The following ANKMY1 variants were observed in gnomAD, a reference collection of about 807,000 sequenced individuals.
ANKMY1 encodes the protein ankyrin repeat and MYND domain-containing protein 1.
In ANKMY1, 98 loss-of-function variants were observed where a neutral mutation model predicts 102.0. The ratio of observed to expected loss-of-function variants is 0.96; its 90% CI spans 0.82 to 1.14. The LOEUF (loss-of-function observed/expected upper bound fraction) is 1.14, where lower values mean the gene tolerates loss of function less well. Ranked by LOEUF, ANKMY1 falls within the 50% of genes most tolerant of loss-of-function variation. The probability of loss-of-function intolerance (pLI) is 0.00; values close to 1 mark genes in which losing one functional copy is unlikely to be tolerated. For missense variants in ANKMY1, 1,330 were observed against 1,347.6 expected (o/e 0.99, Z 0.20); for synonymous variants, 582 against 559.9 (o/e 1.04, Z -0.56).
At chr2:240,508,842 G>A (rs2079563569) in intron 12 of ANKMY1, among the ~76,000 whole-genome samples, 1 of 152,164 alleles carries the variant, frequency 6.6e-6, no homozygotes, top group Admixed American at 6.5e-5. Context: ...GTCTAGGTAG[G>A]TGGGTGGGTG....
Position 240,526,447 on chromosome 2 carries a change from T to C in ANKMY1, c.954-2A>G. On this transcript the variant is annotated splice_acceptor_variant, in intron 5 of 17. Coordinates refer to ENST00000401804, the MANE Select transcript of ANKMY1 (RefSeq NM_001282771.3). LOFTEE classifies it high-confidence loss of function. ...CAGCTGGTGTGAGCTGGCTTGTTCCTGGCAACACAACAAGTTTCAGTGGTC... is the reference window on the plus strand; with the variant it reads ...CAGCTGGTGTGAGCTGGCTTGTTCCCGGCAACACAACAAGTTTCAGTGGTC... 6.2e-7 allele frequency: 1 copy of C among 1,614,080 alleles called. No individual in the cohort carries two copies.
At chr2:240,513,008 T>C in intron 9 of ANKMY1, 66 bp from the exon 10 acceptor site, 2 of 1,552,576 alleles carry the variant, frequency 1.3e-6, no homozygotes, top group Non-Finnish European at 1.7e-6. Flanking sequence ...GTGAGGTACC[T>C]GAGGGACCCA....
intron 15 of ANKMY1, among the ~76,000 whole-genome samples, chr2:240,483,562 TA>T (rs1218863246): frequency 6.6e-6 from 1 of 152,260 alleles, no homozygotes; most frequent in Non-Finnish European, 1.5e-5. Flanking sequence ...TCTTCACATT[TA>T]ATGTTATTAA....
chr2:240,521,061 G>A (rs2082144434), intron 8 of ANKMY1, among the ~76,000 whole-genome samples: 1 of 152,144 alleles, frequency 6.6e-6, no homozygotes, highest in Non-Finnish European at 1.5e-5. Flanking sequence ...TGTGCCTCCA[G>A]AGAAAACTTG....
intron 3 of ANKMY1, 51 bp downstream of exon 3, chr2:240,554,815 A>G: frequency 6.3e-7 from 1 of 1,599,422 alleles, no homozygotes; most frequent in Non-Finnish European, 8.5e-7. Flanking sequence ...GATAAAGGCC[A>G]GCCACCAGAG....
At chr2:240,482,839 C>G (rs935220729) in intron 15 of ANKMY1, among the ~76,000 whole-genome samples, 15 of 152,160 alleles carry the variant, frequency 9.9e-5, no homozygotes, top group African/African-American at 3.6e-4. Context: ...CTTCCTGTTC[C>G]TTGGTGACCT....
intron 16 of ANKMY1, 60 bp downstream of exon 16, chr2:240,482,123 A>G: frequency 6.4e-7 from 1 of 1,566,880 alleles, no homozygotes; most frequent in Non-Finnish European, 8.7e-7. Flanking sequence ...CAGGCACAAC[A>G]GCACTGTCCA....
chr2:240,500,607 G>A (rs933662574), intron 13 of ANKMY1, 42 bp from the exon 14 acceptor site: 9 of 1,558,278 alleles, frequency 5.8e-6, no homozygotes, highest in East Asian at 2.2e-5. Context: ...AGGACATCCC[G>A]GCTACTGGGA....
At chr2:240,479,744 G>A in intron 17 of ANKMY1, 89 bp from the exon 18 acceptor site, 1 of 1,186,450 alleles carries the variant, frequency 8.4e-7, no homozygotes, top group Non-Finnish European at 1.2e-6. Context: ...GGCTGTGTGG[G>A]GCGGCTGAGG....
chr2:240,552,736 G>A, intron 4 of ANKMY1, 178 bp downstream of exon 4: 4 of 965,100 alleles, frequency 4.1e-6, no homozygotes, highest in Non-Finnish European at 6.0e-6. Flanking sequence ...TAAAATGCAA[G>A]GAGGCTTTTA....
At chr2:240,528,425 A>G (rs2084408693) in intron 5 of ANKMY1, among the ~76,000 whole-genome samples, 1 of 151,982 alleles carries the variant, frequency 6.6e-6, no homozygotes, top group Non-Finnish European at 1.5e-5. Flanking sequence ...TGGACAAGTC[A>G]AAGGCCTGCC....
At chr2:240,539,207 T>C (rs2087882214) in intron 4 of ANKMY1, among the ~76,000 whole-genome samples, 1 of 152,188 alleles carries the variant, frequency 6.6e-6, no homozygotes, top group Non-Finnish European at 1.5e-5. Context: ...ACTGCGTTTA[T>C]GAGCTGTTAA....
At chr2:240,511,799 C>T (rs887067093) in intron 11 of ANKMY1, 62 bp downstream of exon 11, 36 of 1,510,574 alleles carry the variant, frequency 2.4e-5, no homozygotes, top group Non-Finnish European at 2.9e-5. Flanking sequence ...GGCACAAGGC[C>T]CTGGAAGGTG....
chr2:240,514,321 A>G (rs966278380), intron 9 of ANKMY1, among the ~76,000 whole-genome samples: 2 of 152,186 alleles, frequency 1.3e-5, no homozygotes, highest in Non-Finnish European at 2.9e-5. Flanking sequence ...ATAGAGAGAA[A>G]TACTAGAGAA....
downstream of ANKMY1, among the ~76,000 whole-genome samples, chr2:240,474,933 C>T (rs2074756336): frequency 6.6e-6 from 1 of 152,212 alleles, no homozygotes; most frequent in Admixed American, 6.5e-5. Context: ...CCTTTAGGTA[C>T]ATACCCAGTG....
chr2:240,509,923 G>T (rs542328054), intron 11 of ANKMY1, among the ~76,000 whole-genome samples: 9 of 151,532 alleles, frequency 5.9e-5, no homozygotes, highest in African/African-American at 2.2e-4. Context: ...GGGCAGCCCC[G>T]TCCATGCCTC....
At chr2:240,538,764 T>C (rs1041842002) in intron 4 of ANKMY1, among the ~76,000 whole-genome samples, 2 of 152,122 alleles carry the variant, frequency 1.3e-5, no homozygotes, top group African/African-American at 4.8e-5. Flanking sequence ...AGAACTTTTG[T>C]GTCTAGCTAA....
intron 4 of ANKMY1, among the ~76,000 whole-genome samples, chr2:240,551,390 A>C (rs2091500198): frequency 6.6e-6 from 1 of 152,166 alleles, no homozygotes; most frequent in South Asian, 2.1e-4. Context: ...TTTAATAAGA[A>C]TCTGTTTTAT....
intron 16 of ANKMY1, 134 bp downstream of exon 16, chr2:240,482,049 G>A: frequency 1.1e-6 from 1 of 946,470 alleles, no homozygotes; most frequent in South Asian, 1.5e-5. Flanking sequence ...GGACTTCCTA[G>A]AGGAGGCCAT....
Sources: gnomAD v4.1 joint callset for allele counts (sites outside exome capture counted in the v4.1 genomes callset) on GRCh38, gnomAD v4.1.1 for gene constraint, MANE v1.5 for transcripts, NCBI Gene and HGNC (gene_info 2026-07-23, HGNC 2026-07-21) for gene names.